Variants in CACNA1C observed in about 807,000 individuals in gnomAD.
CACNA1C encodes the protein voltage-dependent L-type calcium channel subunit alpha-1C.
A neutral mutation model predicts 229.0 loss-of-function variants in CACNA1C; 30 were observed. The ratio of observed to expected loss-of-function variants is 0.13; its 90% confidence interval spans 0.10 to 0.18. The LOEUF (loss-of-function observed/expected upper bound fraction) is 0.18. Ranked by LOEUF, CACNA1C falls within the 10% of genes least tolerant of loss-of-function variation. The pLI, the probability that CACNA1C is intolerant of heterozygous loss-of-function variation, is 1.00. For missense variants in CACNA1C, 1,658 were observed against 2,845.0 expected, an observed-to-expected ratio of 0.58 and a Z score of 9.49; for synonymous variants, 1,114 against 1,132.5, an observed-to-expected ratio of 0.98 and a Z score of 0.33.
At position 2,054,733 on chromosome 12, in the gene CACNA1C, C is replaced by G. The variant is rs182672211; in HGVS notation, c.49+1122C>G. Reference sequence around the variant, plus strand: ...ACTGCTCTGTCTCTTTGGGTGTAGTCTCTCCCTTTTCTCTCCCAGTTCCCA... The same window carrying G: ...ACTGCTCTGTCTCTTTGGGTGTAGTGTCTCCCTTTTCTCTCCCAGTTCCCA... On this transcript the variant is annotated intron_variant, in intron 1 of 46. Coordinates refer to ENST00000399655, the MANE Select transcript of CACNA1C (RefSeq NM_000719.7). This position sits in a 1 kb window ranked among gnomAD's most constrained non-coding sequence, Gnocchi z 5.5. 6.6e-6 allele frequency among the ~76,000 whole-genome samples: 1 copy of G among 152,032 alleles called. No homozygotes were observed. The highest frequency in any genetic ancestry group is 1.9e-4 in the East Asian group (1 of 5,158).
chr12:2,000,686 G>C (rs761429287), intron 1 of CACNA1C, among the ~76,000 whole-genome samples: 12 of 152,158 alleles, frequency 7.9e-5, no homozygotes, highest in Admixed American at 7.2e-4. Flanking sequence ...TGGGGTTCTT[G>C]CCAGATCATG....
At position 2,653,817 on chromosome 12, in the gene CACNA1C, T is replaced by C. The variant is rs1305097634; in HGVS notation, c.4075-18T>C. The C allele has an allele frequency of 2.5e-6, 4 of 1,612,458 alleles. No homozygotes were observed. The highest frequency in any genetic ancestry group is 2.5e-6 in the Non-Finnish European group (3 of 1,178,742). ...TCTGCACTCCAGCCTCATGGGAGTC[T>C]CCTGCACTTCCTTCCAGGCCCTGCC... On this transcript the variant is annotated intron_variant, in intron 32 of 46. Coordinates refer to ENST00000399655, the MANE Select transcript of CACNA1C (RefSeq NM_000719.7). The surrounding 1 kb of genome is among the most constrained non-coding windows in gnomAD (Gnocchi z 4.7).
chr12:2,690,921 G>T lies in CACNA1C; in HGVS notation c.6139G>T (p.Gly2047Trp). 2 of 1,586,826 alleles carry T rather than the reference G, an allele frequency of 1.3e-6. No homozygotes were observed. Among genetic ancestry groups the T allele is most frequent in the East Asian group, 2.3e-5 (1 of 43,488 alleles). ...TCAGGTCTTGATTTCAGAAGGACTG[G>T]GGCAGTTTGCTCAAGATCCCAAGTT... Reference protein sequence around the residue: ...VEAVLISEGLGQFAQDPKFIE... With the variant: ...VEAVLISEGLWQFAQDPKFIE... The change falls in exon 47 of 47, where the codon GGG becomes TGG. Residue 2047 changes from glycine to tryptophan, a missense_variant. Transcript: ENST00000399655.
intron 3 of CACNA1C, among the ~76,000 whole-genome samples, chr12:2,193,096 ACAT>A (rs969093453): frequency 2.6e-5 from 4 of 152,220 alleles, no homozygotes; most frequent in African/African-American, 9.6e-5. Context: ...TGAGGGGAGA[ACAT>A]CATGGTTTCC....
At chr12:1,994,915 C>A (rs74059689) in intron 1 of CACNA1C, among the ~76,000 whole-genome samples, 1 of 121,988 alleles carries the variant, frequency 8.2e-6, no homozygotes, top group Admixed American at 9.0e-5. Flanking sequence ...CTCCCACCCC[C>A]CACCCACCAT....
At chr12:2,394,109 C>CAAAA (rs60498219) in intron 3 of CACNA1C, among the ~76,000 whole-genome samples, 1 of 113,266 alleles carries the variant, frequency 8.8e-6, no homozygotes, top group Non-Finnish European at 1.9e-5. Flanking sequence ...TGTCTCTAAA[C>CAAAA]AAAAAAAAAA....
In CACNA1C at chr12:2,054,605, G is replaced by A. The variant is rs2053893565; in HGVS notation, c.49+994G>A. Among the ~76,000 whole-genome samples, 1 of 152,108 alleles carries A rather than the reference G, an allele frequency of 6.6e-6. No individual in the cohort carries two copies. The highest frequency in any genetic ancestry group is 2.4e-5 in the African/African-American group (1 of 41,420). ...CCCATATTAACAAGTTGTTTTCTTG[G>A]ACGTTGCTTAGCATTTAAGGTTTTG... is the stretch of plus-strand genomic sequence containing the variant. On this transcript the variant is annotated intron_variant, in intron 1 of 46. Transcript: ENST00000399655. This position sits in a 1 kb window ranked among gnomAD's most constrained non-coding sequence, Gnocchi z 5.5.
intron 3 of CACNA1C, among the ~76,000 whole-genome samples, chr12:2,294,980 G>A (rs1256915149): frequency 6.6e-6 from 1 of 152,202 alleles, no homozygotes; most frequent in Non-Finnish European, 1.5e-5. Context: ...GGGAAGGGGT[G>A]TATTTGGCCT....
chr12:2,294,364 G>A lies in CACNA1C; in HGVS notation c.478-154612G>A, dbSNP rs532135281. ...TGTGCTTGGGGAGCCCTGAAGAGGC[G>A]GCTGCTGAGGAAGGTGGAGCTGGAA... On this transcript the variant is annotated intron_variant, in intron 3 of 46. Coordinates refer to ENST00000399655, the MANE Select transcript of CACNA1C (RefSeq NM_000719.7). 3.4e-3 allele frequency among the ~76,000 whole-genome samples: 514 copies of A among 152,022 alleles called. 4 individuals are homozygous for A. Among genetic ancestry groups the A allele is most frequent in the Non-Finnish European group, 6.2e-3 (421 of 67,978 alleles).
At position 2,287,222 on chromosome 12, in the gene CACNA1C, A is replaced by G. The variant is rs2092808803; in HGVS notation, c.478-161754A>G. On this transcript the variant is annotated intron_variant, in intron 3 of 46. Transcript: ENST00000399655. This position sits in a 1 kb window ranked among gnomAD's most constrained non-coding sequence, Gnocchi z 4.6. ...CTCCATTTTTCCCAAGGAATATTCT[A>G]GAGGAAGGGTTTCTGGGAATGACCT... Among the ~76,000 whole-genome samples, 1 of 152,204 alleles carries G rather than the reference A, an allele frequency of 6.6e-6. No individual in the cohort carries two copies. Among genetic ancestry groups the G allele is most frequent in the Non-Finnish European group, 1.5e-5 (1 of 68,032 alleles).
At chr12:2,188,474 T>A (rs979361525) in intron 3 of CACNA1C, among the ~76,000 whole-genome samples, 2 of 152,226 alleles carry the variant, frequency 1.3e-5, no homozygotes, top group Non-Finnish European at 2.9e-5. Flanking sequence ...CAATCTAGTT[T>A]TGTTTCTGAT....
intron 28 of CACNA1C, among the ~76,000 whole-genome samples, 155 bp downstream of exon 28, chr12:2,610,854 G>T (rs2077304106): frequency 6.6e-6 from 1 of 152,248 alleles, no homozygotes; most frequent in African/African-American, 2.4e-5. Flanking sequence ...TCAAGGATGT[G>T]CTCCTCTCTG....
chr12:2,687,371 G>A (rs1446590431), intron 45 of CACNA1C, among the ~76,000 whole-genome samples: 2 of 152,278 alleles, frequency 1.3e-5, no homozygotes, highest in Middle Eastern at 3.4e-3. Flanking sequence ...CCTAGAGGTG[G>A]TCTTTCCCCA....
chr12:2,356,077 A>T (rs1034100552), intron 3 of CACNA1C, among the ~76,000 whole-genome samples: 1 of 152,224 alleles, frequency 6.6e-6, no homozygotes, highest in Admixed American at 6.5e-5. Context: ...ATGGAATCAA[A>T]TCGAATTGAA....
intron 3 of CACNA1C, among the ~76,000 whole-genome samples, chr12:2,443,518 C>T (rs1382673519): frequency 6.6e-6 from 1 of 152,208 alleles, no homozygotes; most frequent in Non-Finnish European, 1.5e-5. Context: ...TAACACTGAA[C>T]AGTAGGAATG....
At chr12:2,370,109 A>G (rs1721407767) in intron 3 of CACNA1C, among the ~76,000 whole-genome samples, 1 of 152,260 alleles carries the variant, frequency 6.6e-6, no homozygotes, top group African/African-American at 2.4e-5. Context: ...TGGTAAATAC[A>G]TTTTGATTTT....
At chr12:2,147,594 A>G (rs2094840980) in intron 3 of CACNA1C, among the ~76,000 whole-genome samples, 1 of 151,222 alleles carries the variant, frequency 6.6e-6, no homozygotes, top group Non-Finnish European at 1.5e-5. Context: ...GAGAGTGGAG[A>G]GAGTAAAGAT....
chr12:2,541,372 C>T (rs983826834), intron 9 of CACNA1C, among the ~76,000 whole-genome samples: 4 of 152,186 alleles, frequency 2.6e-5, no homozygotes, highest in African/African-American at 9.7e-5. Context: ...AAAATAAATA[C>T]AAATTATGCC....
chr12:2,227,375 A>G (rs1304008538), intron 3 of CACNA1C, among the ~76,000 whole-genome samples: 1 of 152,176 alleles, frequency 6.6e-6, no homozygotes, highest in Non-Finnish European at 1.5e-5. Context: ...GATCAGAGGG[A>G]CTTGAGTTTG....
Sources: gnomAD v4.1 joint callset for allele counts (sites outside exome capture counted in the v4.1 genomes callset) on GRCh38, gnomAD v4.1.1 for gene constraint, Gnocchi (gnomAD v3.1) non-coding constraint, MANE v1.5 for transcripts, NCBI Gene and HGNC (gene_info 2026-07-23, HGNC 2026-07-21) for gene names.